The following CDC73 variants were observed in gnomAD, a reference collection of about 807,000 sequenced individuals.
CDC73 encodes the protein cell division cycle 73, also known as parafibromin.
Under a neutral mutation model 83.7 loss-of-function variants are expected in CDC73, and 21 were observed. The observed-to-expected ratio is 0.25, with a 90% CI of 0.18 to 0.36. The LOEUF is 0.36. CDC73 is among the 10% of genes least tolerant of loss of function. The pLI, the probability that CDC73 is intolerant of heterozygous loss-of-function variation, is 1.00. For missense variants in CDC73, 342 were observed against 653.3 expected, an observed-to-expected ratio of 0.52 and a Z score of 5.19; for synonymous variants, 224 against 212.9, an observed-to-expected ratio of 1.05 and a Z score of -0.45.
intron 10 of CDC73, among the ~76,000 whole-genome samples, chr1:193,170,048 ATTTGTTTTTT>A (rs1194304019): frequency 6.6e-6 from 1 of 151,840 alleles, no homozygotes; most frequent in Admixed American, 6.6e-5. Flanking sequence ...AACATGTGGT[ATTTGTTTTTT>A]TTTCCTGTGT....
At chr1:193,244,317 CCTT>C (rs1171924723) in intron 15 of CDC73, among the ~76,000 whole-genome samples, 15 of 152,316 alleles carry the variant, frequency 9.8e-5, no homozygotes, top group African/African-American at 3.6e-4. Context: ...TATAATTTCA[CCTT>C]CTTCTTGTAA....
At chr1:193,189,940 A>AG (rs974412776) in intron 10 of CDC73, among the ~76,000 whole-genome samples, 1 of 152,200 alleles carries the variant, frequency 6.6e-6, no homozygotes, top group African/African-American at 2.4e-5. Flanking sequence ...AGAGAAAGGT[A>AG]GGGGGAGAGC....
chr1:193,235,393 T>C (rs999556324), intron 14 of CDC73, among the ~76,000 whole-genome samples: 2 of 152,208 alleles, frequency 1.3e-5, no homozygotes, highest in Non-Finnish European at 2.9e-5. Context: ...TGTGTTAACA[T>C]CATAAGTAAC....
intron 3 of CDC73, among the ~76,000 whole-genome samples, chr1:193,132,495 C>G (rs1433414450): frequency 6.6e-6 from 1 of 151,256 alleles, no homozygotes; most frequent in Non-Finnish European, 1.5e-5. Context: ...TTTTTTCTTT[C>G]AGAGATGGGG....
intron 12 of CDC73, 48 bp downstream of exon 12, chr1:193,212,148 T>G (rs200209441): frequency 7.1e-7 from 1 of 1,415,602 alleles, no homozygotes; most frequent in African/African-American, 1.4e-5. Context: ...AAGTAAATGA[T>G]TGCAAAACCA....
intron 1 of CDC73, 77 bp downstream of exon 1, chr1:193,122,408 T>TC (rs982407037): frequency 8.3e-5 from 130 of 1,567,552 alleles, no homozygotes; most frequent in Non-Finnish European, 1.0e-4. Flanking sequence ...TCTTAACCCC[T>TC]CCCCCCGTTT....
intron 1 of CDC73, among the ~76,000 whole-genome samples, chr1:193,124,034 C>T (rs1408625387): frequency 6.6e-6 from 1 of 152,130 alleles, no homozygotes. Flanking sequence ...TTAAGTCTTC[C>T]AAGATGAGTG....
At chr1:193,131,655 C>T (rs780609424) in intron 3 of CDC73, among the ~76,000 whole-genome samples, 4 of 152,192 alleles carry the variant, frequency 2.6e-5, no homozygotes, top group Admixed American at 1.3e-4. Context: ...TCATAACAGT[C>T]AGTCTTTTTG....
intron 10 of CDC73, among the ~76,000 whole-genome samples, chr1:193,189,643 A>G (rs879836925): frequency 5.3e-5 from 8 of 152,220 alleles, no homozygotes; most frequent in Non-Finnish European, 8.8e-5. Flanking sequence ...TCATGGCCAG[A>G]GCTGTCCAGG....
chr1:193,170,336 G>C (rs181642403), intron 10 of CDC73, among the ~76,000 whole-genome samples: 1 of 152,240 alleles, frequency 6.6e-6, no homozygotes, highest in East Asian at 1.9e-4. Flanking sequence ...GGGTTCAGTG[G>C]TATTTCTCTC....
chr1:193,149,754 T>C (rs1389137304), intron 8 of CDC73, among the ~76,000 whole-genome samples: 1 of 152,192 alleles, frequency 6.6e-6, no homozygotes, highest in East Asian at 1.9e-4. Context: ...TTCCTAAATA[T>C]GTGTTTTTAG....
chr1:193,144,153 T>C (rs1458464953), intron 7 of CDC73, among the ~76,000 whole-genome samples: 3 of 144,118 alleles, frequency 2.1e-5, no homozygotes, highest in Non-Finnish European at 4.6e-5. Context: ...GGTATAAATA[T>C]GTTATTATTT....
intron 11 of CDC73, among the ~76,000 whole-genome samples, chr1:193,206,894 A>G (rs552054955): frequency 3.9e-5 from 6 of 152,358 alleles, no homozygotes; most frequent in South Asian, 2.1e-4. Flanking sequence ...CTTTAAACCT[A>G]TAAAGCTCTA....
At chr1:193,182,535 A>G (rs749488878) in intron 10 of CDC73, among the ~76,000 whole-genome samples, 3 of 152,158 alleles carry the variant, frequency 2.0e-5, no homozygotes, top group Admixed American at 6.6e-5. Flanking sequence ...TTCACACAAT[A>G]TATTTTTAAA....
intron 10 of CDC73, chr1:193,161,186 C>T (rs1676302198): frequency 5.6e-6 from 1 of 177,144 alleles, no homozygotes; most frequent in Admixed American, 6.3e-5. Flanking sequence ...TTCTCATGTT[C>T]CTCTGTGAGT....
chr1:193,247,699 T>C (rs1677977748), intron 15 of CDC73, among the ~76,000 whole-genome samples: 1 of 152,100 alleles, frequency 6.6e-6, no homozygotes, highest in Non-Finnish European at 1.5e-5. Context: ...ACCTTATTGC[T>C]GATATGGGGA....
intron 5 of CDC73, among the ~76,000 whole-genome samples, chr1:193,137,846 G>T (rs1053279558): frequency 6.6e-6 from 1 of 152,090 alleles, no homozygotes; most frequent in Non-Finnish European, 1.5e-5. Context: ...TAATCATAAA[G>T]AAAAAAGTAG....
At chr1:193,163,909 G>T (rs1420479936) in intron 10 of CDC73, among the ~76,000 whole-genome samples, 1 of 151,986 alleles carries the variant, frequency 6.6e-6, no homozygotes, top group African/African-American at 2.4e-5. Flanking sequence ...CTTCTGAGTA[G>T]CTGGTATTAC....
chr1:193,223,373 G>A (rs1396186566), intron 13 of CDC73, among the ~76,000 whole-genome samples: 1 of 152,148 alleles, frequency 6.6e-6, no homozygotes, highest in Non-Finnish European at 1.5e-5. Context: ...GCACCTGGGA[G>A]CATTACCAAT....
Sources: allele counts gnomAD v4.1 joint callset (sites outside exome capture counted in the v4.1 genomes callset), GRCh38; gene constraint gnomAD v4.1.1; transcripts MANE v1.5; gene names NCBI Gene and HGNC (gene_info 2026-07-23, HGNC 2026-07-21).